RORA: variants seen among roughly 807,000 people sequenced by gnomAD.
The protein encoded by RORA is nuclear receptor ROR-alpha.
RORA carries 7 observed loss-of-function variants against 69.5 expected under a neutral mutation model. The ratio of observed to expected loss-of-function variants is 0.10; its 90% CI spans 0.06 to 0.19. The LOEUF is 0.19. Among genes scored for constraint, RORA ranks in the 10% least tolerant of loss-of-function variants. RORA has a pLI of 1.00. For missense variants in RORA, 457 were observed against 663.0 expected, an observed-to-expected ratio of 0.69 and a Z score of 3.41; for synonymous variants, 261 against 240.8, an observed-to-expected ratio of 1.08 and a Z score of -0.78.
chr15:61,184,211 T>A (rs1261512434), intron 1 of RORA, among the ~76,000 whole-genome samples: 1 of 152,212 alleles, frequency 6.6e-6, no homozygotes, highest in African/African-American at 2.4e-5. Context: ...TGCAACCATG[T>A]GTCTATCCCT....
chr15:60,808,357 G>A (rs1221366489), intron 1 of RORA, among the ~76,000 whole-genome samples: 5 of 152,162 alleles, frequency 3.3e-5, no homozygotes, highest in Admixed American at 2.6e-4. Context: ...CAAAACCACA[G>A]TGGAATACCA....
intron 1 of RORA, among the ~76,000 whole-genome samples, chr15:61,062,711 T>C (rs897298002): frequency 1.3e-5 from 2 of 152,188 alleles, no homozygotes; most frequent in African/African-American, 4.8e-5. Flanking sequence ...TCTGGAGTGA[T>C]GAGAGTGATT....
intron 1 of RORA, among the ~76,000 whole-genome samples, chr15:60,934,376 GC>G (rs1384770177): frequency 1.3e-5 from 2 of 152,114 alleles, no homozygotes; most frequent in Non-Finnish European, 2.9e-5. Context: ...CCTCTGGAGG[GC>G]TTGTAAAAAG....
intron 1 of RORA, among the ~76,000 whole-genome samples, chr15:60,771,623 G>C (rs146781294): frequency 1.3e-5 from 2 of 152,284 alleles, no homozygotes; most frequent in African/African-American, 4.8e-5. Context: ...CCTGCATTGA[G>C]GGAAGGCTCA....
At chr15:61,030,262 C>T (rs534133097) in intron 1 of RORA, among the ~76,000 whole-genome samples, 54 of 152,036 alleles carry the variant, frequency 3.6e-4, no homozygotes, top group South Asian at 2.1e-4. Flanking sequence ...GAAACTTGAA[C>T]GGGGTCAAAG....
chr15:61,078,441 C>T (rs773122153), intron 1 of RORA, among the ~76,000 whole-genome samples: 5 of 151,830 alleles, frequency 3.3e-5, no homozygotes, highest in Non-Finnish European at 7.4e-5. Context: ...TCAAGTGATC[C>T]GCTTGCCTTG....
chr15:60,999,490 A>T lies in RORA; in HGVS notation c.166+229563T>A, dbSNP rs754504655. The stretch of plus-strand genomic sequence containing the variant: ...GCCAAATAAATTAGCTTGTATCCCC[A>T]TTTCACATGGGAAAATCTTCATATA... On this transcript the variant is annotated intron_variant, in intron 1 of 10. Coordinates refer to ENST00000335670, the MANE Select transcript of RORA (RefSeq NM_134261.3). Among the ~76,000 whole-genome samples the T allele has an allele frequency of 2.6e-4, 39 of 152,300 alleles. No homozygotes were observed. The Middle Eastern group carries it at 0.01, about 40-fold the overall frequency.
At chr15:60,961,695 A>G (rs575484829) in intron 1 of RORA, among the ~76,000 whole-genome samples, 5 of 152,302 alleles carry the variant, frequency 3.3e-5, no homozygotes, top group Middle Eastern at 3.4e-3. Context: ...AGTTTAATCC[A>G]CCGATATATG....
Position 60,492,291 on chromosome 15 carries a change from A to G in RORA, c.*5164T>C, listed in dbSNP as rs2065055232. 6.6e-6 allele frequency: 1 copy of G among 152,318 alleles called. No homozygotes were observed. Among genetic ancestry groups the G allele is most frequent in the Middle Eastern group, 3.4e-3 (1 of 294 alleles). 9.4% of individuals were successfully genotyped at this position (152,318 alleles called of 1,614,324 possible). A position where few individuals can be genotyped will look rare whatever the true frequency, so the allele number is the denominator to read the frequency against. On this transcript the variant is annotated 3_prime_UTR_variant, in exon 11 of 11. Coordinates refer to ENST00000335670, the MANE Select transcript of RORA (RefSeq NM_134261.3). ...TATGGAAAGTAATATGTGGAATATG[A>G]TAACAAAACGGTATTTCAAAAATAT...
chr15:61,019,182 C>T (rs372284248), intron 1 of RORA, among the ~76,000 whole-genome samples: 1 of 152,222 alleles, frequency 6.6e-6, no homozygotes, highest in African/African-American at 2.4e-5. Context: ...CAGCGGAATA[C>T]ATTACACAGC....
At chr15:61,002,685 C>CCGCT (rs1279398905) in intron 1 of RORA, among the ~76,000 whole-genome samples, 2 of 152,132 alleles carry the variant, frequency 1.3e-5, no homozygotes, top group African/African-American at 2.4e-5. Flanking sequence ...GCAAATCATG[C>CCGCT]CGCTTTAGGG....
chr15:60,623,984 A>T (rs2069492045), intron 2 of RORA, among the ~76,000 whole-genome samples: 1 of 141,326 alleles, frequency 7.1e-6, no homozygotes, highest in Non-Finnish European at 1.6e-5. Context: ...GAAGGTTGGA[A>T]TTCTGTGTAT....
chr15:60,542,960 ACC>A (rs374238662), intron 2 of RORA, among the ~76,000 whole-genome samples: 3,237 of 149,656 alleles, frequency 0.022, 130 homozygotes, highest in African/African-American at 0.077. Flanking sequence ...CCCTACACAC[ACC>A]CCCCACATGC....
At chr15:60,884,157 G>A (rs920642066) in intron 1 of RORA, among the ~76,000 whole-genome samples, 2 of 152,032 alleles carry the variant, frequency 1.3e-5, no homozygotes, top group African/African-American at 4.8e-5. Context: ...GAGCTATGCT[G>A]TGGTGCTCAA....
At chr15:60,984,442 AGTT>A (rs1464820652) in intron 1 of RORA, among the ~76,000 whole-genome samples, 3 of 151,152 alleles carry the variant, frequency 2.0e-5, no homozygotes, top group Non-Finnish European at 4.4e-5. Context: ...TAATAATAAT[AGTT>A]ATTATTATAA....
chr15:60,883,124 T>A (rs1384844769), intron 1 of RORA, among the ~76,000 whole-genome samples: 2 of 68,630 alleles, frequency 2.9e-5, no homozygotes, highest in Non-Finnish European at 4.9e-5. Context: ...GAGAGAGACA[T>A]CGTCTCAAAA....
chr15:61,110,799 C>G (rs911000636), intron 1 of RORA, among the ~76,000 whole-genome samples: 1 of 152,226 alleles, frequency 6.6e-6, no homozygotes, highest in Non-Finnish European at 1.5e-5. Flanking sequence ...CTTCCCTGCA[C>G]TAACCTTCCC....
At position 60,866,072 on chromosome 15, in the gene RORA, A is replaced by C. The variant is rs181063187; in HGVS notation, c.167-187386T>G. 6.8e-3 allele frequency among the ~76,000 whole-genome samples: 1,030 copies of C among 152,208 alleles called. 19 individuals are homozygous for C. Among genetic ancestry groups the C allele is most frequent in the African/African-American group, 0.024 (977 of 41,510 alleles). Reference sequence around the variant, plus strand: ...AGGAACATTCCATTTCTCCTCTTTTAGTTATTTTGAAATAGACAATAAATT... The same window carrying C: ...AGGAACATTCCATTTCTCCTCTTTTCGTTATTTTGAAATAGACAATAAATT... On this transcript the variant is annotated intron_variant, in intron 1 of 10. Coordinates refer to ENST00000335670, the MANE Select transcript of RORA (RefSeq NM_134261.3).
At chr15:61,066,647 C>G (rs1364524473) in intron 1 of RORA, among the ~76,000 whole-genome samples, 5 of 151,538 alleles carry the variant, frequency 3.3e-5, no homozygotes. Context: ...AGGCTGGTCT[C>G]GAACTCCTGA....
Sources: gnomAD v4.1 joint callset for allele counts (sites outside exome capture counted in the v4.1 genomes callset) on GRCh38, gnomAD v4.1.1 for gene constraint, MANE v1.5 for transcripts, NCBI Gene and HGNC (gene_info 2026-07-23, HGNC 2026-07-21) for gene names.